The following EMSY variants were observed in gnomAD, a reference collection of about 807,000 sequenced individuals.
EMSY encodes EMSY transcriptional repressor, BRCA2 interacting.
In EMSY, 26 loss-of-function variants were observed where a neutral mutation model predicts 134.6. The observed-to-expected ratio is 0.19, with a 90% confidence interval of 0.14 to 0.27. EMSY has a LOEUF of 0.27. Among genes scored for constraint, EMSY ranks in the 10% least tolerant of loss-of-function variants. The probability of loss-of-function intolerance (pLI) is 1.00; values close to 1 mark genes in which losing one functional copy is unlikely to be tolerated. For missense variants in EMSY, 1,305 were observed against 1,611.4 expected (o/e 0.81, Z 3.26); for synonymous variants, 579 against 577.8 (o/e 1.00, Z -0.03).
chr11:76,453,221 TC>T, intron 3 of EMSY, 92 bp from the exon 4 acceptor site: 1 of 1,136,884 alleles, frequency 8.8e-7, no homozygotes, highest in Non-Finnish European at 1.3e-6. Flanking sequence ...TTGTCCCCCT[TC>T]TCCCCCCAAA....
At chr11:76,486,507 C>G (rs1949189256) in intron 8 of EMSY, among the ~76,000 whole-genome samples, 1 of 152,030 alleles carries the variant, frequency 6.6e-6, no homozygotes, top group Admixed American at 6.6e-5. Flanking sequence ...ATGCTGTTGC[C>G]AATGCTTGGA....
chr11:76,546,115 G>C (rs1282428380), exon 20 of EMSY: 2 of 1,614,206 alleles, frequency 1.2e-6, no homozygotes, highest in Admixed American at 3.3e-5. Flanking sequence ...GGCAGGGATG[G>C]CGAATTCCAC....
chr11:76,536,903 T>C (rs1365746744), intron 15 of EMSY, among the ~76,000 whole-genome samples: 1 of 152,196 alleles, frequency 6.6e-6, no homozygotes, highest in East Asian at 1.9e-4. Flanking sequence ...GTTTTACTTA[T>C]TTTGTTTAAT....
At chr11:76,494,533 A>G (rs1172501601) in intron 8 of EMSY, among the ~76,000 whole-genome samples, 1 of 152,220 alleles carries the variant, frequency 6.6e-6, no homozygotes, top group Non-Finnish European at 1.5e-5. Context: ...GCAATACAGA[A>G]CATACATGTT....
chr11:76,460,133 C>T, intron 6 of EMSY, 48 bp downstream of exon 7: 17 of 1,597,164 alleles, frequency 1.1e-5, no homozygotes, highest in Non-Finnish European at 1.4e-5. Flanking sequence ...CTAAATGCTG[C>T]AGTCTAGGCT....
chr11:76,527,719 C>G (rs1036594819), intron 13 of EMSY, among the ~76,000 whole-genome samples: 4 of 151,164 alleles, frequency 2.6e-5, no homozygotes, highest in African/African-American at 9.7e-5. Context: ...AAGATAGGGC[C>G]CAAGCAAGTT....
chr11:76,458,523 C>A, intron 5 of EMSY, 165 bp downstream of exon 6: 1 of 698,046 alleles, frequency 1.4e-6, no homozygotes, highest in Non-Finnish European at 2.1e-6. Flanking sequence ...AGGTTTTTAG[C>A]CTTAGACAAA....
At chr11:76,494,644 CCTTTCCCTTCCTTCCTT>C (rs1949554015) in intron 8 of EMSY, among the ~76,000 whole-genome samples, 1 of 146,744 alleles carries the variant, frequency 6.8e-6, no homozygotes, top group Non-Finnish European at 1.5e-5. Context: ...CCTCTCCTTT[CCTTTCCCTTCCTTCCTT>C]CCTTCCTTCC....
exon 5 of EMSY, chr11:76,458,267 C>T (rs781608144): frequency 1.2e-5 from 19 of 1,613,942 alleles, no homozygotes; most frequent in African/African-American, 9.3e-5. Context: ...TTCCCCAAAC[C>T]GCCTTTACTG....
intron 8 of EMSY, among the ~76,000 whole-genome samples, chr11:76,475,996 TTC>T (rs1380507345): frequency 6.6e-6 from 1 of 152,248 alleles, no homozygotes; most frequent in Non-Finnish European, 1.5e-5. Context: ...CTTAGCAGTC[TTC>T]TCTCTCTTTT....
intron 7 of EMSY, among the ~76,000 whole-genome samples, chr11:76,467,528 G>C (rs1209829822): frequency 6.6e-6 from 1 of 152,150 alleles, no homozygotes; most frequent in Admixed American, 6.5e-5. Context: ...TAAGGGTAGA[G>C]ACTTTGTCTT....
At chr11:76,445,407 G>A (rs2134622146) in intron 1 of EMSY, among the ~76,000 whole-genome samples, 1 of 152,324 alleles carries the variant, frequency 6.6e-6, no homozygotes, top group Non-Finnish European at 1.5e-5. Flanking sequence ...CTCCGCTGGG[G>A]AGGGAGTGAG....
intron 20 of EMSY, among the ~76,000 whole-genome samples, chr11:76,549,294 G>A (rs1265863727): frequency 2.0e-5 from 3 of 152,166 alleles, no homozygotes; most frequent in Non-Finnish European, 2.9e-5. Flanking sequence ...GTGTTTGGTT[G>A]TATAGTGAGT....
chr11:76,445,034 T>G (rs994377359), exon 1 of EMSY: 1 of 152,970 alleles, frequency 6.5e-6, no homozygotes, highest in Non-Finnish European at 1.5e-5. Context: ...TGTCGCCATC[T>G]TGCCCCTTCA....
At chr11:76,533,069 T>G (rs1260730932) in intron 14 of EMSY, among the ~76,000 whole-genome samples, 1 of 152,184 alleles carries the variant, frequency 6.6e-6, no homozygotes, top group Non-Finnish European at 1.5e-5. Flanking sequence ...CCTTGCTGTC[T>G]AGGCAATTAA....
intron 8 of EMSY, among the ~76,000 whole-genome samples, chr11:76,474,105 G>T (rs1452051612): frequency 8.1e-6 from 1 of 123,382 alleles, no homozygotes; most frequent in Non-Finnish European, 1.6e-5. Flanking sequence ...GACAGACCAA[G>T]ACCCTGTCTC....
intron 8 of EMSY, among the ~76,000 whole-genome samples, chr11:76,477,863 C>A (rs560389120): frequency 1.4e-4 from 21 of 152,200 alleles, no homozygotes; most frequent in Non-Finnish European, 1.0e-4. Context: ...TTAATTGTTG[C>A]TACTGTTTTT....
chr11:76,458,828 A>G (rs1248460112), intron 5 of EMSY: 1 of 152,542 alleles, frequency 6.6e-6, no homozygotes, highest in Non-Finnish European at 1.5e-5. Context: ...GGGTTTTATC[A>G]TTATTTATCT....
chr11:76,452,858 A>G (rs577186027), intron 3 of EMSY, among the ~76,000 whole-genome samples: 5 of 152,200 alleles, frequency 3.3e-5, no homozygotes, highest in Non-Finnish European at 7.4e-5. Context: ...CCATTTGTTT[A>G]TTATATTCAT....
Sources: gnomAD v4.1 joint callset for allele counts (sites outside exome capture counted in the v4.1 genomes callset) on GRCh38, gnomAD v4.1.1 for gene constraint, MANE v1.5 for transcripts, NCBI Gene and HGNC (gene_info 2026-07-23, HGNC 2026-07-21) for gene names.